The following ASB9 variants were observed in gnomAD, a reference collection of about 807,000 sequenced individuals.
ASB9 encodes ankyrin repeat and SOCS box containing 9.
A neutral mutation model predicts 16.6 loss-of-function variants in ASB9; 5 were observed. The observed-to-expected ratio is 0.30, with a 90% CI of 0.16 to 0.63. The LOEUF (loss-of-function observed/expected upper bound fraction) is 0.63, where lower values mean the gene tolerates loss of function less well. Ranked by LOEUF, ASB9 falls within the 30% of genes least tolerant of loss-of-function variation. The probability of loss-of-function intolerance (pLI) is 0.82; values close to 1 mark genes in which losing one functional copy is unlikely to be tolerated. For synonymous variants in ASB9, 100 were observed against 86.4 expected (o/e 1.16, Z -0.87); for missense variants, 216 against 229.4 (o/e 0.94, Z 0.38).
intron 3 of ASB9, 84 bp from the exon 4 acceptor site, chrX:15,252,488 T>A: frequency 1.9e-5 from 17 of 890,132 alleles, no homozygotes; most frequent in Non-Finnish European, 2.6e-5. Context: ...AAGATGTTAT[T>A]TAACATCTCT....
At chrX:15,254,981 C>G in intron 2 of ASB9, 137 bp from the exon 3 acceptor site, 1 of 402,627 alleles carries the variant, frequency 2.5e-6, no homozygotes, top group Non-Finnish European at 4.2e-6. Context: ...TTTATATTGA[C>G]TTTAAAAAAA....
At chrX:15,267,425 T>TTAAAAAAAAAAAAAAA (rs377056337) in intron 1 of ASB9, among the ~76,000 whole-genome samples, 9 of 87,626 alleles carry the variant, frequency 1.0e-4, no homozygotes, top group Admixed American at 2.7e-4. Flanking sequence ...AAAATATATA[T>TTAAAAAAAAAAAAAAA]ATATATATAA....
At chrX:15,265,506 G>A (rs1433354140) in intron 1 of ASB9, among the ~76,000 whole-genome samples, 1 of 112,055 alleles carries the variant, frequency 8.9e-6, no homozygotes, top group African/African-American at 3.2e-5. Context: ...AAGTTTCATG[G>A]TTGGATTAGT....
At chrX:15,248,480 A>T (rs1316770743) in intron 6 of ASB9, among the ~76,000 whole-genome samples, 1 of 111,889 alleles carries the variant, frequency 8.9e-6, no homozygotes, top group Admixed American at 9.5e-5. Context: ...CTTAATTTTT[A>T]AAAAACTGGC....
intron 5 of ASB9, among the ~76,000 whole-genome samples, chrX:15,250,143 GAA>G (rs1736125908): frequency 9.0e-6 from 1 of 111,104 alleles, no homozygotes; most frequent in Non-Finnish European, 1.9e-5. Context: ...GGAGACAGAG[GAA>G]AGGGAGGAGA....
At position 15,245,069 on chromosome X, in the gene ASB9, T is replaced by C. The variant is rs1333661537; in HGVS notation, c.761-439A>G. Among the ~76,000 whole-genome samples, 5 of 112,310 alleles carry C rather than the reference T, an allele frequency of 4.5e-5. No homozygotes were observed. The Admixed American group carries it at 4.7e-4, about 11-fold the overall frequency. ...GTACTCAAAAATAATGAGCTCACAG[T>C]GAATCCTAAGAGTATGTGAAGTCGT... On this transcript the variant is annotated intron_variant, in intron 6 of 6. Coordinates refer to ENST00000380488, the MANE Select transcript of ASB9 (RefSeq NM_001031739.3).
chrX:15,244,618 AAAG>A lies in ASB9; in HGVS notation c.770_772del (p.Ser257del). The A allele has an allele frequency of 8.3e-7, 1 of 1,206,280 alleles. No individual in the cohort carries two copies. The highest frequency in any genetic ancestry group is 1.1e-6 in the Non-Finnish European group (1 of 891,379). Reference sequence around the variant, plus strand: ...AATTCTAAGGCGGCATAACTGCATCAAAGAAGGGGGCCCTGGAGAAAGATCATA... The same window carrying A: ...AATTCTAAGGCGGCATAACTGCATCAAAGGGGGCCCTGGAGAAAGATCATA... On this transcript the variant is annotated inframe_deletion, in exon 7 of 7. Transcript: ENST00000380488.
chrX:15,262,495 G>GT (rs1569159262), intron 1 of ASB9, among the ~76,000 whole-genome samples: 2 of 112,470 alleles, frequency 1.8e-5, no homozygotes. Flanking sequence ...GAAGAAAAAC[G>GT]TGAGTCCCTG....
intron 5 of ASB9, 89 bp from the exon 6 acceptor site, chrX:15,249,024 A>C: frequency 1.1e-6 from 1 of 921,438 alleles, no homozygotes; most frequent in Non-Finnish European, 1.5e-6. Flanking sequence ...AAAATTTCCT[A>C]ACAAGAGGGG....
intron 1 of ASB9, among the ~76,000 whole-genome samples, chrX:15,266,288 C>T (rs1445860331): frequency 1.8e-5 from 2 of 112,021 alleles, no homozygotes; most frequent in African/African-American, 3.3e-5. Context: ...GATGTAGAGG[C>T]ACATGAGAAT....
chrX:15,268,485 G>A lies in ASB9; in HGVS notation c.94+1296C>T, dbSNP rs969899229. 4.1e-5 allele frequency among the ~76,000 whole-genome samples: 4 copies of A among 97,526 alleles called. No homozygotes were observed. The East Asian group carries it at 1.1e-3, about 28-fold the overall frequency. 84.7% of individuals were successfully genotyped at this position (97,526 alleles called of 115,157 possible). A position where few individuals can be genotyped will look rare whatever the true frequency, so the allele number is the denominator to read the frequency against. On this transcript the variant is annotated intron_variant, in intron 1 of 6. Transcript: ENST00000380488. Reference sequence around the variant, plus strand: ...TCTGTCGCCAGGCTGGAGTGCTGTGGCGAGATCTAGGTGCACTGCAACCTC... The same window carrying A: ...TCTGTCGCCAGGCTGGAGTGCTGTGACGAGATCTAGGTGCACTGCAACCTC...
At chrX:15,259,635 G>T (rs1443984136) in intron 1 of ASB9, among the ~76,000 whole-genome samples, 1 of 112,109 alleles carries the variant, frequency 8.9e-6, no homozygotes, top group African/African-American at 3.2e-5. Flanking sequence ...TCTCTGTAAA[G>T]TTACAAGTTG....
Position 15,252,368 on chromosome X carries a change from A to G in ASB9, c.319T>C (p.Phe107Leu). Residue 107 changes from phenylalanine (F) to leucine (L), a missense_variant, in exon 4 of 7, where the codon TTT becomes CTT. Transcript: ENST00000380488. ...CAGCTGCCGCTGACACAAGCATTAA[A>G]CAGTGGAGTGTGCCAGTCTGCTGTC... The part of the protein sequence containing the change: ...GVTADWHTPL[F>L]NACVSGSWDC... The G allele has an allele frequency of 8.3e-7, 1 of 1,210,139 alleles. No individual in the cohort carries two copies. The highest frequency in any genetic ancestry group is 1.1e-6 in the Non-Finnish European group (1 of 894,901).
At chrX:15,250,985 T>C (rs1925076370) in intron 4 of ASB9, among the ~76,000 whole-genome samples, 1 of 112,281 alleles carries the variant, frequency 8.9e-6, no homozygotes, top group Admixed American at 9.5e-5. Flanking sequence ...CCTCCCAAAA[T>C]GCTGGGATTA....
intron 2 of ASB9, among the ~76,000 whole-genome samples, chrX:15,257,929 A>T (rs1925710038): frequency 9.0e-6 from 1 of 111,489 alleles, no homozygotes; most frequent in Non-Finnish European, 1.9e-5. Context: ...GCCAAGAAAA[A>T]ATAATTCCTC....
chrX:15,260,841 C>T (rs1378149645), intron 1 of ASB9, among the ~76,000 whole-genome samples: 1 of 112,340 alleles, frequency 8.9e-6, no homozygotes, highest in Non-Finnish European at 1.9e-5. Context: ...TGAGGCCCGT[C>T]TGTCTGCCAC....
chrX:15,262,837 G>T (rs187633741), intron 1 of ASB9, among the ~76,000 whole-genome samples: 27 of 111,845 alleles, frequency 2.4e-4, no homozygotes, highest in African/African-American at 7.1e-4. Context: ...TCACCATGTT[G>T]GCCAGGCTGG....
At chrX:15,256,350 C>A (rs1925536665) in intron 2 of ASB9, among the ~76,000 whole-genome samples, 1 of 79,582 alleles carries the variant, frequency 1.3e-5, no homozygotes, top group Non-Finnish European at 2.3e-5. Flanking sequence ...CGATGTCTTG[C>A]TCTGTCGCCG....
chrX:15,251,267 C>T (rs1181704376), intron 4 of ASB9, among the ~76,000 whole-genome samples: 1 of 111,436 alleles, frequency 9.0e-6, no homozygotes, highest in Non-Finnish European at 1.9e-5. Flanking sequence ...GTGTGGGCCA[C>T]GGGACAGGGA....
Sources: allele counts gnomAD v4.1 joint callset (sites outside exome capture counted in the v4.1 genomes callset), GRCh38; gene constraint gnomAD v4.1.1; transcripts MANE v1.5; gene names NCBI Gene and HGNC (gene_info 2026-07-23, HGNC 2026-07-21).